The following MYO6 variants were observed in gnomAD, a reference collection of about 807,000 sequenced individuals.
MYO6 encodes the protein unconventional myosin-VI.
Under a neutral mutation model 178.7 loss-of-function variants are expected in MYO6, and 74 were observed. The observed-to-expected ratio is 0.41, with a 90% CI of 0.34 to 0.50. MYO6 has a LOEUF of 0.50. Ranked by LOEUF, MYO6 falls within the 20% of genes least tolerant of loss-of-function variation. The pLI is 0.09. For synonymous variants in MYO6, 477 were observed against 504.6 expected, an observed-to-expected ratio of 0.95 and a Z score of 0.73; for missense variants, 1,330 against 1,547.4, an observed-to-expected ratio of 0.86 and a Z score of 2.36.
At chr6:75,847,811 G>T (rs911602134) in intron 10 of MYO6, among the ~76,000 whole-genome samples, 6 of 151,832 alleles carry the variant, frequency 4.0e-5, no homozygotes, top group African/African-American at 1.5e-4. Flanking sequence ...CATACTGATT[G>T]TCACATTTAA....
At chr6:75,778,596 CA>C (rs760998259) in intron 1 of MYO6, among the ~76,000 whole-genome samples, 1,198 of 110,556 alleles carry the variant, frequency 0.011, 9 homozygotes, top group African/African-American at 0.024. Context: ...GACTCCGTCT[CA>C]AAAAAAAAAA....
At position 75,918,009 on chromosome 6, in the gene MYO6, A is replaced by G. The variant is rs1781212992; in HGVS notation, c.*2997A>G. The G allele has an allele frequency of 1.3e-5, 2 of 152,514 alleles. No individual in the cohort carries two copies. 9.4% of individuals were successfully genotyped at this position (152,514 alleles called of 1,614,324 possible). ...CCTGCCTCCTTTTATGGAAGAGGTA[A>G]CAGATCCAGAGAGGTCAAGTAATTT... On this transcript the variant is annotated 3_prime_UTR_variant, in exon 35 of 35. Transcript: ENST00000369977.
Position 75,914,278 on chromosome 6 carries a change from G to A in MYO6, c.3655G>A (p.Ala1219Thr). 6.2e-7 allele frequency: 1 copy of A among 1,614,120 alleles called. No homozygotes were observed. The highest frequency in any genetic ancestry group is 8.5e-7 in the Non-Finnish European group (1 of 1,180,002). Residue 1219 changes from alanine (A) to threonine (T), a missense_variant, in exon 34 of 35, where the codon GCT becomes ACT. Around this residue, in one of 3 missense-constraint regions of MYO6, gnomAD observed 601 missense variants for 626.1 expected, o/e 0.96. Transcript: ENST00000369977. ...HPDKPPILLV[A>T]GKDDMEMCEL... is the part of the protein sequence containing the mutation. ...TGACAAGCCACCCATCCTACTTGTG[G>A]CTGGTGTGTATGATTCACATGGAAA...
rs754188948 is a variant in MYO6, at chr6:75,915,055, A to T, written c.*43A>T. The stretch of plus-strand genomic sequence containing the variant: ...TACAGCTGGGAGCCTTTGCCATGGT[A>T]CTTAGGTAGGGTGTGTGCCCCCAGA... On this transcript the variant is annotated 3_prime_UTR_variant, in exon 35 of 35. Coordinates refer to ENST00000369977, the MANE Select transcript of MYO6 (RefSeq NM_004999.4). 8 of 1,563,906 alleles carry T rather than the reference A, an allele frequency of 5.1e-6. No individual in the cohort carries two copies. In the African/African-American group the frequency reaches 9.5e-5, roughly 18 times the overall value.
intron 1 of MYO6, among the ~76,000 whole-genome samples, chr6:75,797,542 A>AT (rs1027743453): frequency 6.0e-5 from 9 of 148,782 alleles, no homozygotes; most frequent in African/African-American, 2.0e-4. Context: ...TTTAGTTTTT[A>AT]TTTTTTTTTG....
chr6:75,754,519 CAAAA>C (rs58162315), intron 1 of MYO6, among the ~76,000 whole-genome samples: 5 of 44,176 alleles, frequency 1.1e-4, no homozygotes, highest in African/African-American at 4.0e-4. Flanking sequence ...GACTCCGTCT[CAAAA>C]AAAAAAAAAA....
intron 28 of MYO6, 91 bp downstream of exon 28, chr6:75,892,781 AAAT>A: frequency 2.9e-6 from 4 of 1,382,130 alleles, no homozygotes; most frequent in Non-Finnish European, 4.0e-6. Context: ...GAATAGGAGA[AAAT>A]AATATTCTGA....
chr6:75,820,495 G>A (rs542741545), intron 2 of MYO6, among the ~76,000 whole-genome samples: 2 of 152,044 alleles, frequency 1.3e-5, no homozygotes, highest in African/African-American at 4.8e-5. Context: ...TCAGCCTCCC[G>A]AGTAGCTGGG....
At position 75,873,239 on chromosome 6, in the gene MYO6, C is replaced by T; in HGVS notation, c.2016C>T (p.Asn672=). The T allele has an allele frequency of 6.2e-7, 1 of 1,614,064 alleles. No individual in the cohort carries two copies. The highest frequency in any genetic ancestry group is 1.1e-5 in the South Asian group (1 of 91,084). ...GASFIRCIKP[N]LKMTSHHFEG... ...GCTTTATTCGTTGCATCAAACCTAA[C>T]TTAAAGATGACAAGCCACCACTTTG... The change falls in exon 20 of 35, where the codon AAC becomes AAT. Residue 672 remains asparagine, a synonymous_variant. Coordinates refer to ENST00000369977, the MANE Select transcript of MYO6 (RefSeq NM_004999.4).
intron 1 of MYO6, among the ~76,000 whole-genome samples, chr6:75,785,744 A>G (rs1767492601): frequency 6.6e-6 from 1 of 151,742 alleles, no homozygotes; most frequent in African/African-American, 2.4e-5. Context: ...CCACCTATGT[A>G]TAATTTTTGT....
At chr6:75,773,968 C>T (rs1392045200) in intron 1 of MYO6, among the ~76,000 whole-genome samples, 1 of 152,144 alleles carries the variant, frequency 6.6e-6, no homozygotes, top group Non-Finnish European at 1.5e-5. Flanking sequence ...AAATTAAATG[C>T]ATTTTCATCT....
chr6:75,891,280 A>G lies in MYO6; in HGVS notation c.2920A>G (p.Arg974Gly). 3 of 1,608,690 alleles carry G rather than the reference A, an allele frequency of 1.9e-6. No individual in the cohort carries two copies. Among genetic ancestry groups the G allele is most frequent in the Non-Finnish European group, 2.5e-6 (3 of 1,176,564 alleles). ...RKQEEEERKK[R>G]EDDEKRIQAE... The stretch of plus-strand genomic sequence containing the variant: ...ACAAGAAGAAGAAGAGAGAAAGAAA[A>G]GGGAAGATGATGAAAAACGCATTCA... Residue 974 changes from arginine (R) to glycine (G), a missense_variant, in exon 27 of 35, where the codon AGG (arginine) becomes GGG (glycine). Physicochemically the swap from Arg to Gly is moderately radical, Grantham distance 125. Transcript: ENST00000369977.
rs1211655040 is a variant in MYO6 at position 75,775,268 on chromosome 6, G to A, written c.-48+25845G>A. 3.3e-5 allele frequency among the ~76,000 whole-genome samples: 5 copies of A among 152,322 alleles called. No individual in the cohort carries two copies. The East Asian group carries it at 7.7e-4, about 23-fold the overall frequency. Reference sequence around the variant, plus strand: ...TGCCATGTTGCCACTGGTAAGGTTAGAGTCTTCATAATAGCCGAGCTGAGC... The same window carrying A: ...TGCCATGTTGCCACTGGTAAGGTTAAAGTCTTCATAATAGCCGAGCTGAGC... On this transcript the variant is annotated intron_variant, in intron 1 of 34. Transcript: ENST00000369977.
At chr6:75,902,542 G>C (rs1215436347) in intron 30 of MYO6, among the ~76,000 whole-genome samples, 2 of 152,194 alleles carry the variant, frequency 1.3e-5, no homozygotes, top group Non-Finnish European at 2.9e-5. Context: ...TCTGATGGTA[G>C]TTTGTATTTC....
At chr6:75,871,940 A>G (rs952695866) in intron 19 of MYO6, among the ~76,000 whole-genome samples, 1 of 151,982 alleles carries the variant, frequency 6.6e-6, no homozygotes, top group Non-Finnish European at 1.5e-5. Flanking sequence ...CAGCCTGCCC[A>G]ATATGGTGAA....
intron 1 of MYO6, among the ~76,000 whole-genome samples, chr6:75,781,232 A>G (rs1766948364): frequency 6.6e-6 from 1 of 152,228 alleles, no homozygotes; most frequent in Admixed American, 6.5e-5. Flanking sequence ...TAAAGTTAAA[A>G]GTAGGTTCAT....
chr6:75,849,084 A>G (rs186207118), intron 11 of MYO6, among the ~76,000 whole-genome samples: 1 of 152,344 alleles, frequency 6.6e-6, no homozygotes, highest in Admixed American at 6.5e-5. Context: ...AGGACTTTGC[A>G]TAATTCTAAA....
At chr6:75,839,534 T>C (rs1047365238) in intron 7 of MYO6, among the ~76,000 whole-genome samples, 1 of 152,180 alleles carries the variant, frequency 6.6e-6, no homozygotes, top group Non-Finnish European at 1.5e-5. Context: ...AAAAAAATTT[T>C]AACACTGAAC....
chr6:75,880,153 A>G (rs1777897669), intron 22 of MYO6, 33 bp downstream of exon 22: 1 of 1,467,048 alleles, frequency 6.8e-7, no homozygotes, highest in South Asian at 1.2e-5. Flanking sequence ...AAACTGTAAC[A>G]TCATGAAAAC....
Sources: allele counts gnomAD v4.1 joint callset (sites outside exome capture counted in the v4.1 genomes callset), GRCh38; gene constraint gnomAD v4.1.1; regional missense constraint gnomAD v4.1.1; transcripts MANE v1.5; gene names NCBI Gene and HGNC (gene_info 2026-07-23, HGNC 2026-07-21).